TNFRSF21: variants seen among roughly 807,000 people sequenced by gnomAD.
The protein encoded by TNFRSF21 is tumor necrosis factor receptor superfamily member 21.
In TNFRSF21, 19 loss-of-function variants were observed where a neutral mutation model predicts 45.6. The observed-to-expected ratio is 0.42, with a 90% confidence interval of 0.29 to 0.61. The LOEUF (loss-of-function observed/expected upper bound fraction) is 0.61, where lower values mean the gene tolerates loss of function less well. TNFRSF21 is among the 20% of genes least tolerant of loss of function. TNFRSF21 has a pLI of 0.23. For missense variants in TNFRSF21, 737 were observed against 851.5 expected (o/e 0.87, Z 1.67); for synonymous variants, 314 against 335.5 (o/e 0.94, Z 0.70).
chr6:47,293,405 T>C (rs1013455387), intron 1 of TNFRSF21, among the ~76,000 whole-genome samples: 8 of 152,354 alleles, frequency 5.3e-5, no homozygotes, highest in African/African-American at 1.9e-4. Context: ...GTATTGACTA[T>C]GGCTGCTTTC....
Position 47,309,498 on chromosome 6 carries a change from G to A in TNFRSF21, c.14C>T (p.Pro5Leu), listed in dbSNP as rs1432715784. The change falls in exon 1 of 6, where the codon CCG becomes CTG. Residue 5 changes from proline to leucine, a missense_variant. Physicochemically the swap from Pro to Leu is moderately conservative, Grantham distance 98 (BLOSUM62 -3). Coordinates refer to ENST00000296861, the MANE Select transcript of TNFRSF21 (RefSeq NM_014452.5). Reference sequence around the variant, plus strand: ...GGAGGCGAGGGCGGTGCTGCTGCTCGGAGAGGTCCCCATGGCTGAACCGGG... The same window carrying A: ...GGAGGCGAGGGCGGTGCTGCTGCTCAGAGAGGTCCCCATGGCTGAACCGGG... MGTS[P>L]SSSTALASCS... is the part of the protein sequence containing the mutation. The A allele has an allele frequency of 6.6e-7, 1 of 1,512,144 alleles. No individual in the cohort carries two copies. Among genetic ancestry groups the A allele is most frequent in the South Asian group, 1.3e-5 (1 of 79,548 alleles). The allele number at this position is 1,512,144 out of a possible 1,614,324, so 93.7% of individuals were successfully genotyped here.
At chr6:47,288,342 ATC>A (rs1762676658) in intron 1 of TNFRSF21, among the ~76,000 whole-genome samples, 1 of 152,182 alleles carries the variant, frequency 6.6e-6, no homozygotes. Flanking sequence ...AACAGAGCTA[ATC>A]TCTGTGTTAC....
In TNFRSF21 at chr6:47,245,444, GTGTGTGTGTGTGTT is replaced by G. The variant is rs1359601012; in HGVS notation, c.1509+7798_1509+7811del. Among the ~76,000 whole-genome samples the G allele has an allele frequency of 2.7e-3, 399 of 145,206 alleles. 3 individuals carry two copies. The highest frequency in any genetic ancestry group is 9.9e-3 in the African/African-American group (357 of 35,956). On this transcript the variant is annotated intron_variant, in intron 4 of 5. Transcript: ENST00000296861. Reference sequence around the variant, plus strand: ...TAAGAAGAAGTGTGTGTGTGTGTGTGTGTGTGTGTGTGTTTGTGTGTGTGTGTGTGTGTGTTGGG... The same window carrying G: ...TAAGAAGAAGTGTGTGTGTGTGTGTGTGTGTGTGTGTGTGTGTGTGTTGGG...
chr6:47,274,312 C>T (rs9791234), intron 3 of TNFRSF21, among the ~76,000 whole-genome samples: 47,078 of 151,898 alleles, frequency 0.31, 7,510 homozygotes, highest in Non-Finnish European at 0.35. Context: ...GAACAGAACA[C>T]AGGCCTCAGA....
intron 4 of TNFRSF21, among the ~76,000 whole-genome samples, chr6:47,249,819 A>G (rs80185943): frequency 0.011 from 1,749 of 152,300 alleles, 45 homozygotes; most frequent in African/African-American, 0.04. Flanking sequence ...TGTGTGTTGT[A>G]ATCCCTTGGG....
intron 1 of TNFRSF21, among the ~76,000 whole-genome samples, chr6:47,295,495 G>A (rs142684958): frequency 6.6e-5 from 10 of 152,260 alleles, no homozygotes; most frequent in African/African-American, 2.2e-4. Flanking sequence ...GAGGAAGCCC[G>A]TTACCGTAGA....
In TNFRSF21 at chr6:47,285,967, G is replaced by C. The variant is rs143637698; in HGVS notation, c.725C>G (p.Pro242Arg). The C allele has an allele frequency of 6.5e-5, 105 of 1,614,174 alleles. No homozygotes were observed. The African/African-American group carries it at 1.3e-3, about 20-fold the overall frequency. Residue 242 changes from proline to arginine, a missense_variant, in exon 2 of 6, where the codon CCT (proline) becomes CGT (arginine). Physicochemically the swap from Pro to Arg is moderately radical, Grantham distance 103 (BLOSUM62 -2). Transcript: ENST00000296861. Reference sequence around the variant, plus strand: ...ACCTTTGGGAACATAAGTGGAGGAAGGGACTTCATGGGTTTCCATGTGCTC... The same window carrying C: ...ACCTTTGGGAACATAAGTGGAGGAACGGACTTCATGGGTTTCCATGTGCTC... ...RPEHMETHEV[P>R]SSTYVPKGMN...
At chr6:47,280,301 CTTA>C (rs1204323263) in intron 3 of TNFRSF21, among the ~76,000 whole-genome samples, 1 of 152,160 alleles carries the variant, frequency 6.6e-6, no homozygotes, top group Non-Finnish European at 1.5e-5. Context: ...AGGAAAAGAT[CTTA>C]TTATACGGGA....
chr6:47,277,167 A>G (rs528613743), intron 3 of TNFRSF21, among the ~76,000 whole-genome samples: 2 of 152,198 alleles, frequency 1.3e-5, no homozygotes, highest in South Asian at 4.1e-4. Context: ...TTAATTTTAT[A>G]TTTTTAGTAG....
At chr6:47,302,022 G>A (rs1244918837) in intron 1 of TNFRSF21, among the ~76,000 whole-genome samples, 1 of 152,022 alleles carries the variant, frequency 6.6e-6, no homozygotes, top group African/African-American at 2.4e-5. Flanking sequence ...ATCAAACAAT[G>A]GTCTTGTCCC....
intron 4 of TNFRSF21, among the ~76,000 whole-genome samples, chr6:47,244,281 G>A (rs1338691674): frequency 7.4e-5 from 10 of 134,536 alleles, no homozygotes; most frequent in East Asian, 2.4e-4. Context: ...CCGAGATGGC[G>A]CCACTGCACG....
Position 47,309,672 on chromosome 6 carries a change from C to A in TNFRSF21, c.-161G>T. The A allele has an allele frequency of 2.7e-6, 3 of 1,126,902 alleles. No individual in the cohort carries two copies. Among genetic ancestry groups the A allele is most frequent in the Non-Finnish European group, 3.5e-6 (3 of 863,100 alleles). 69.8% of individuals were successfully genotyped at this position (1,126,902 alleles called of 1,614,324 possible). ...GCTGCGGCCGGGCAGAGGAGGGAGG[C>A]GGCAAGGGAGGCTCTAGGGGCGCTC... On this transcript the variant is annotated 5_prime_UTR_variant, in exon 1 of 6. Coordinates refer to ENST00000296861, the MANE Select transcript of TNFRSF21 (RefSeq NM_014452.5).
intron 3 of TNFRSF21, among the ~76,000 whole-genome samples, chr6:47,256,492 C>T (rs1172703123): frequency 6.6e-6 from 1 of 152,184 alleles, no homozygotes; most frequent in East Asian, 1.9e-4. Context: ...AACTGCACTC[C>T]AGCCTGGGTG....
chr6:47,289,616 G>T (rs1762693750), intron 1 of TNFRSF21, among the ~76,000 whole-genome samples: 1 of 151,962 alleles, frequency 6.6e-6, no homozygotes, highest in Admixed American at 6.6e-5. Context: ...CCTTCTATTT[G>T]AAAATAAGCC....
At chr6:47,276,761 T>A (rs1025961762) in intron 3 of TNFRSF21, among the ~76,000 whole-genome samples, 3 of 152,294 alleles carry the variant, frequency 2.0e-5, no homozygotes, top group African/African-American at 7.2e-5. Flanking sequence ...ATAGATAGCT[T>A]AGGGAAAATA....
chr6:47,271,567 A>C (rs933561322), intron 3 of TNFRSF21, among the ~76,000 whole-genome samples: 1 of 152,204 alleles, frequency 6.6e-6, no homozygotes, highest in Non-Finnish European at 1.5e-5. Context: ...AACATGCCAA[A>C]CTGTGAAGAC....
intron 3 of TNFRSF21, among the ~76,000 whole-genome samples, chr6:47,279,824 C>T (rs981699913): frequency 7.2e-5 from 11 of 152,190 alleles, no homozygotes; most frequent in African/African-American, 2.7e-4. Flanking sequence ...AGATACATTA[C>T]GTGAAATCAC....
chr6:47,256,322 G>C (rs1764988128), intron 3 of TNFRSF21, among the ~76,000 whole-genome samples: 1 of 152,182 alleles, frequency 6.6e-6, no homozygotes, highest in African/African-American at 2.4e-5. Context: ...CCAGGAGTTT[G>C]AGACCAGCCT....
Position 47,286,352 on chromosome 6 carries a change from G to T in TNFRSF21, c.340C>A (p.Pro114Thr). Reference protein sequence around the residue: ...EKCHDCSQPCPWPMIEKLPCA... With the variant: ...EKCHDCSQPCTWPMIEKLPCA... ...GGTAATTTCTCAATCATTGGCCATG[G>T]GCATGGCTGACTACAGTCATGGCAT... The change falls in exon 2 of 6, where the codon CCA becomes ACA. Residue 114 changes from proline (P) to threonine (T), a missense_variant. Pro to Thr is a conservative substitution (Grantham distance 38). Coordinates refer to ENST00000296861, the MANE Select transcript of TNFRSF21 (RefSeq NM_014452.5). 1 of 1,614,174 alleles carries T rather than the reference G, an allele frequency of 6.2e-7. No individual in the cohort carries two copies. Among genetic ancestry groups the T allele is most frequent in the South Asian group, 1.1e-5 (1 of 91,078 alleles).
Sources: gnomAD v4.1 joint callset for allele counts (sites outside exome capture counted in the v4.1 genomes callset) on GRCh38, gnomAD v4.1.1 for gene constraint, MANE v1.5 for transcripts, NCBI Gene and HGNC (gene_info 2026-07-23, HGNC 2026-07-21) for gene names.